PALS2: variants seen among roughly 807,000 people sequenced by gnomAD.
PALS2 encodes protein PALS2.
A neutral mutation model predicts 61.6 loss-of-function variants in PALS2; 27 were observed. That is an observed-to-expected ratio of 0.44 (90% CI 0.32 to 0.60). The LOEUF (loss-of-function observed/expected upper bound fraction) is 0.60, where lower values mean the gene tolerates loss of function less well. PALS2 is among the 20% of genes least tolerant of loss of function. The pLI, the probability that PALS2 is intolerant of heterozygous loss-of-function variation, is 0.05. For synonymous variants in PALS2, 236 were observed against 218.6 expected (o/e 1.08, Z -0.70); for missense variants, 554 against 639.4 (o/e 0.87, Z 1.44).
intron 1 of PALS2, among the ~76,000 whole-genome samples, chr7:24,584,876 C>G (rs559150574): frequency 1.3e-5 from 2 of 151,600 alleles, no homozygotes; most frequent in Non-Finnish European, 2.9e-5. Context: ...CAGCTTTCTA[C>G]GTATGGCTAG....
At chr7:24,630,085 C>T (rs1784931283) in intron 2 of PALS2, among the ~76,000 whole-genome samples, 1 of 152,144 alleles carries the variant, frequency 6.6e-6, no homozygotes, top group South Asian at 2.1e-4. Flanking sequence ...CCCAAATGCC[C>T]ATCAATGATA....
At chr7:24,599,136 T>C (rs1783626363) in intron 1 of PALS2, among the ~76,000 whole-genome samples, 2 of 152,266 alleles carry the variant, frequency 1.3e-5, no homozygotes, top group East Asian at 1.9e-4. Context: ...CAAACATAGA[T>C]TGTACTAACA....
chr7:24,600,804 G>C (rs969423359), intron 1 of PALS2, among the ~76,000 whole-genome samples: 2 of 152,088 alleles, frequency 1.3e-5, no homozygotes, highest in Non-Finnish European at 2.9e-5. Flanking sequence ...GGATGACTTT[G>C]TCTTCTCCAG....
intron 1 of PALS2, among the ~76,000 whole-genome samples, chr7:24,601,403 C>T (rs1783716016): frequency 6.6e-6 from 1 of 152,088 alleles, no homozygotes; most frequent in South Asian, 2.1e-4. Context: ...ACTTTCAGTG[C>T]ATTCATTCTG....
intron 1 of PALS2, among the ~76,000 whole-genome samples, chr7:24,604,749 C>G (rs1477934208): frequency 2.0e-5 from 3 of 152,240 alleles, no homozygotes; most frequent in Non-Finnish European, 4.4e-5. Context: ...GGGCTCCACC[C>G]TCATGACCTA....
chr7:24,627,729 C>G (rs761928276), intron 2 of PALS2, among the ~76,000 whole-genome samples: 29 of 152,166 alleles, frequency 1.9e-4, no homozygotes, highest in Non-Finnish European at 4.1e-4. Flanking sequence ...TCAGAAAATA[C>G]TATAAACACC....
intron 1 of PALS2, chr7:24,574,164 C>T (rs1782561417): frequency 6.6e-6 from 1 of 152,314 alleles, no homozygotes; most frequent in African/African-American, 2.4e-5. Flanking sequence ...CTTTCTCCAA[C>T]TACCGCCGCT....
intron 1 of PALS2, among the ~76,000 whole-genome samples, chr7:24,619,052 C>A (rs377759073): frequency 3.0e-4 from 45 of 152,296 alleles, no homozygotes; most frequent in African/African-American, 9.9e-4. Context: ...TTGAATCTAT[C>A]TCTTTTGATT....
At chr7:24,602,153 A>G (rs950374043) in intron 1 of PALS2, among the ~76,000 whole-genome samples, 2 of 151,598 alleles carry the variant, frequency 1.3e-5, no homozygotes, top group African/African-American at 4.8e-5. Flanking sequence ...CATGATTTCC[A>G]TTGAATTTTT....
chr7:24,612,930 G>A (rs952505818), intron 1 of PALS2, among the ~76,000 whole-genome samples: 2 of 151,738 alleles, frequency 1.3e-5, no homozygotes, highest in African/African-American at 4.8e-5. Context: ...TAAATGTGAT[G>A]CTTCCTATAG....
chr7:24,618,057 T>C lies in PALS2; in HGVS notation c.-2-5609T>C, dbSNP rs1784356196. Among the ~76,000 whole-genome samples, 1 of 152,100 alleles carries C rather than the reference T, an allele frequency of 6.6e-6. No homozygotes were observed. Among genetic ancestry groups the C allele is most frequent in the African/African-American group, 2.4e-5 (1 of 41,410 alleles). ...TCAGGCCTCCTGGAGTATCTTAGGGTGTAGGTGCCAATGTGGAGCCAGTTC... is the reference window on the plus strand; with the variant it reads ...TCAGGCCTCCTGGAGTATCTTAGGGCGTAGGTGCCAATGTGGAGCCAGTTC... On this transcript the variant is annotated intron_variant, in intron 1 of 11. Transcript: ENST00000222644. The surrounding 1 kb of genome is among the most constrained non-coding windows in gnomAD (Gnocchi z 5.1).
intron 1 of PALS2, among the ~76,000 whole-genome samples, chr7:24,610,853 G>T (rs1276687730): frequency 6.6e-6 from 1 of 152,064 alleles, no homozygotes; most frequent in Non-Finnish European, 1.5e-5. Context: ...ATGAGATTTT[G>T]TTTTTCATTT....
chr7:24,574,928 A>T (rs533425138), intron 1 of PALS2, among the ~76,000 whole-genome samples: 1 of 152,292 alleles, frequency 6.6e-6, no homozygotes, highest in Admixed American at 6.5e-5. Context: ...CTGTGCAATG[A>T]TAGGGTAGTG....
chr7:24,584,209 T>C (rs1346396995), intron 1 of PALS2, among the ~76,000 whole-genome samples: 233 of 134,982 alleles, frequency 1.7e-3, no homozygotes, highest in African/African-American at 6.3e-3. Flanking sequence ...ATGGTATTTC[T>C]AGTTCTAGAT....
At chr7:24,619,628 G>C (rs1436232475) in intron 1 of PALS2, among the ~76,000 whole-genome samples, 1 of 150,122 alleles carries the variant, frequency 6.7e-6, no homozygotes, top group African/African-American at 2.5e-5. Context: ...TGAGGCAGGA[G>C]AATGGCGTGA....
chr7:24,663,600 A>C lies in PALS2; in HGVS notation c.662A>C (p.Lys221Thr). The change falls in exon 6 of 12, where the codon AAG (lysine) becomes ACG (threonine). Residue 221 changes from lysine (K) to threonine (T), a missense_variant. Transcript: ENST00000222644. ...DTITPQQVFV[K>T]CHFDYNPYND... ...TGCTATGTGTTTTAGGTATTTGTGA[A>C]GTGTCATTTTGATTATAATCCATAC... The C allele has an allele frequency of 6.3e-7, 1 of 1,590,992 alleles. No individual in the cohort carries two copies. The highest frequency in any genetic ancestry group is 8.6e-7 in the Non-Finnish European group (1 of 1,162,836).
At chr7:24,652,499 A>G (rs1384370317) in intron 5 of PALS2, among the ~76,000 whole-genome samples, 3 of 152,118 alleles carry the variant, frequency 2.0e-5, no homozygotes, top group Admixed American at 1.3e-4. Flanking sequence ...GAGGAGTCTT[A>G]TAAGTCCGAG....
At chr7:24,667,657 A>ATTTT (rs11284911) in intron 8 of PALS2, among the ~76,000 whole-genome samples, 21 of 98,648 alleles carry the variant, frequency 2.1e-4, no homozygotes, top group Non-Finnish European at 2.9e-4. Flanking sequence ...GATTAGATAA[A>ATTTT]TTTTTTTTTT....
intron 1 of PALS2, among the ~76,000 whole-genome samples, chr7:24,622,609 CAT>C (rs150745041): frequency 0.058 from 8,714 of 151,326 alleles, 279 homozygotes; most frequent in African/African-American, 0.075. Context: ...TATACAGAAT[CAT>C]ATGATCTGCA....
Sources: allele counts gnomAD v4.1 joint callset (sites outside exome capture counted in the v4.1 genomes callset), GRCh38; gene constraint gnomAD v4.1.1; non-coding constraint Gnocchi (gnomAD v3.1); transcripts MANE v1.5; gene names NCBI Gene and HGNC (gene_info 2026-07-23, HGNC 2026-07-21).